Variants in SH3KBP1 observed in about 807,000 individuals in gnomAD.
SH3KBP1 encodes the protein SH3 domain containing kinase binding protein 1, also known as SH3 domain-containing kinase-binding protein 1.
SH3KBP1 carries 8 observed loss-of-function variants against 50.1 expected under a neutral mutation model. The ratio of observed to expected loss-of-function variants is 0.16; its 90% CI spans 0.09 to 0.29. SH3KBP1 has a LOEUF of 0.29. Ranked by LOEUF, SH3KBP1 falls within the 10% of genes least tolerant of loss-of-function variation. The pLI is 1.00. For missense variants in SH3KBP1, 377 were observed against 535.2 expected (o/e 0.70, Z 2.92); for synonymous variants, 227 against 218.6 (o/e 1.04, Z -0.34).
At chrX:19,679,614 C>T (rs750852212) in intron 6 of SH3KBP1, among the ~76,000 whole-genome samples, 2 of 111,291 alleles carry the variant, frequency 1.8e-5, no homozygotes, top group Admixed American at 9.5e-5. Flanking sequence ...AAGGTTCTTC[C>T]CCACCCCCCT....
At chrX:19,603,150 C>T (rs1334310491) in intron 9 of SH3KBP1, among the ~76,000 whole-genome samples, 1 of 112,324 alleles carries the variant, frequency 8.9e-6, no homozygotes, top group East Asian at 2.8e-4. Context: ...ATCATCAAGG[C>T]TTAGTTGACT....
intron 3 of SH3KBP1, among the ~76,000 whole-genome samples, chrX:19,721,987 G>T (rs1241914589): frequency 9.0e-6 from 1 of 111,612 alleles, no homozygotes; most frequent in Non-Finnish European, 1.9e-5. Flanking sequence ...GGGCAACAGA[G>T]CAAGAACCTA....
chrX:19,651,589 T>C (rs747791283), intron 6 of SH3KBP1, among the ~76,000 whole-genome samples: 71 of 112,751 alleles, frequency 6.3e-4, no homozygotes, highest in Non-Finnish European at 1.0e-3. Flanking sequence ...ATTCATATGA[T>C]GTTTATTTCC....
At chrX:19,670,398 T>C (rs2062757639) in intron 6 of SH3KBP1, 1 of 750,118 alleles carries the variant, frequency 1.3e-6, no homozygotes, top group Non-Finnish European at 1.6e-6. Flanking sequence ...TGCATGGACA[T>C]ACCCTTCTCT....
chrX:19,620,381 C>T (rs1398893598), intron 8 of SH3KBP1, among the ~76,000 whole-genome samples: 1 of 112,424 alleles, frequency 8.9e-6, no homozygotes, highest in Admixed American at 9.5e-5. Flanking sequence ...CTATCTTCCA[C>T]TTCCATTCTT....
At chrX:19,735,440 T>C (rs2064521912) in intron 3 of SH3KBP1, among the ~76,000 whole-genome samples, 1 of 110,139 alleles carries the variant, frequency 9.1e-6, no homozygotes, top group Non-Finnish European at 1.9e-5. Flanking sequence ...TACATAGGCA[T>C]TTGCAGCTGT....
chrX:19,621,076 T>G (rs1317577427), intron 8 of SH3KBP1, among the ~76,000 whole-genome samples: 14 of 93,565 alleles, frequency 1.5e-4, no homozygotes, highest in Admixed American at 8.1e-4. Context: ...TTTCTTTCTT[T>G]TTTTTTTTTT....
At position 19,836,061 on chromosome X, in the gene SH3KBP1, C is replaced by T. The variant is rs915016530; in HGVS notation, c.162+64G>A. On this transcript the variant is annotated intron_variant, in intron 2 of 17. Transcript: ENST00000397821. ...TTCATGCAATTCATCCTCAAGCGCC[C>T]CCATAGACTTTGGTCAGCAGAGCCC... is the stretch of plus-strand genomic sequence containing the variant. 19 of 1,070,592 alleles carry T rather than the reference C, an allele frequency of 1.8e-5. No individual in the cohort carries two copies. The African/African-American group carries it at 3.1e-4, about 18-fold the overall frequency. 88.2% of individuals were successfully genotyped at this position (1,070,592 alleles called of 1,213,427 possible). A position where few individuals can be genotyped will look rare whatever the true frequency, so the allele number is the denominator to read the frequency against.
At chrX:19,748,883 G>A (rs1421332522) in intron 2 of SH3KBP1, among the ~76,000 whole-genome samples, 1 of 111,009 alleles carries the variant, frequency 9.0e-6, no homozygotes, top group South Asian at 3.7e-4. Flanking sequence ...CTAAGCAGTC[G>A]CCCAGTCTGG....
At chrX:19,787,675 G>A (rs937036232) in intron 2 of SH3KBP1, among the ~76,000 whole-genome samples, 5 of 111,884 alleles carry the variant, frequency 4.5e-5, no homozygotes, top group African/African-American at 1.6e-4. Context: ...AAGTAACATT[G>A]ATGTGGGGTG....
intron 6 of SH3KBP1, among the ~76,000 whole-genome samples, chrX:19,673,851 C>T (rs1348269341): frequency 9.0e-6 from 1 of 111,518 alleles, no homozygotes; most frequent in Non-Finnish European, 1.9e-5. Flanking sequence ...ACCACCACCA[C>T]AGCCCCTGCA....
chrX:19,570,140 G>A (rs998827173), intron 12 of SH3KBP1, among the ~76,000 whole-genome samples: 1 of 111,997 alleles, frequency 8.9e-6, no homozygotes, highest in Non-Finnish European at 1.9e-5. Context: ...TGTGCTGTGG[G>A]TATTCAGAGG....
intron 6 of SH3KBP1, among the ~76,000 whole-genome samples, chrX:19,664,142 G>A (rs752395723): frequency 8.9e-6 from 1 of 111,749 alleles, no homozygotes; most frequent in Admixed American, 9.5e-5. Context: ...AGAGACCACA[G>A]AACAGTCAAC....
intron 13 of SH3KBP1, among the ~76,000 whole-genome samples, chrX:19,567,256 C>T (rs1259414392): frequency 9.2e-6 from 1 of 108,276 alleles, no homozygotes; most frequent in African/African-American, 3.4e-5. Flanking sequence ...CGGTAGCTCA[C>T]AGCTGTAATC....
chrX:19,746,583 T>G, intron 2 of SH3KBP1, 142 bp from the exon 3 acceptor site: 1 of 582,502 alleles, frequency 1.7e-6, no homozygotes, highest in East Asian at 3.6e-5. Flanking sequence ...AACACCATTT[T>G]CTGTATCTTT....
intron 2 of SH3KBP1, among the ~76,000 whole-genome samples, chrX:19,765,169 C>T (rs2065564193): frequency 9.1e-6 from 1 of 109,503 alleles, no homozygotes; most frequent in Non-Finnish European, 1.9e-5. Flanking sequence ...CCAGTCACTT[C>T]GTGACCATGC....
intron 2 of SH3KBP1, among the ~76,000 whole-genome samples, chrX:19,754,999 T>A (rs953051261): frequency 3.5e-5 from 4 of 112,694 alleles, no homozygotes; most frequent in Non-Finnish European, 7.5e-5. Flanking sequence ...AAATAAAGAA[T>A]GTTTCTACAA....
chrX:19,668,965 TATATA>T (rs1343232381), intron 6 of SH3KBP1, among the ~76,000 whole-genome samples: 2,377 of 53,596 alleles, frequency 0.044, 151 homozygotes, highest in African/African-American at 0.23. Flanking sequence ...TATATATATA[TATATA>T]TATATTTTTT....
At chrX:19,883,598 G>A (rs2069504160) in intron 1 of SH3KBP1, among the ~76,000 whole-genome samples, 1 of 111,561 alleles carries the variant, frequency 9.0e-6, no homozygotes, top group South Asian at 3.8e-4. Context: ...AGCTGGCCAG[G>A]CACCCACAGC....
Sources: allele counts gnomAD v4.1 joint callset (sites outside exome capture counted in the v4.1 genomes callset), GRCh38; gene constraint gnomAD v4.1.1; transcripts MANE v1.5; gene names NCBI Gene and HGNC (gene_info 2026-07-23, HGNC 2026-07-21).